The following SYTL4 variants were observed in gnomAD, a reference collection of about 807,000 sequenced individuals.
SYTL4 encodes synaptotagmin-like protein 4.
In SYTL4, 16 loss-of-function variants were observed where a neutral mutation model predicts 52.7. The observed-to-expected ratio is 0.30, with a 90% CI of 0.21 to 0.46. SYTL4 has a LOEUF of 0.46. Among genes scored for constraint, SYTL4 ranks in the 20% least tolerant of loss-of-function variants. The probability of loss-of-function intolerance (pLI) is 1.00; values close to 1 mark genes in which losing one functional copy is unlikely to be tolerated. For synonymous variants in SYTL4, 160 were observed against 186.6 expected (o/e 0.86, Z 1.16); for missense variants, 423 against 519.9 (o/e 0.81, Z 1.81).
chrX:100,726,636 C>T (rs1480497641), intron 2 of SYTL4, among the ~76,000 whole-genome samples: 1 of 110,484 alleles, frequency 9.1e-6, no homozygotes, highest in Non-Finnish European at 1.9e-5. Context: ...AGCTGTATGC[C>T]ATCTGCACAT....
In SYTL4 at chrX:100,678,553, C is replaced by T; in HGVS notation, c.1705G>A (p.Val569Met). The T allele has an allele frequency of 8.3e-7, 1 of 1,211,633 alleles. No homozygotes were observed. Among genetic ancestry groups the T allele is most frequent in the Non-Finnish European group, 1.1e-6 (1 of 895,407 alleles). ...RNKASKRKTP[V>M]MKKTLNPHYN... ...TGAGGATTCAGGGTCTTCTTCATCA[C>T]AGGAGTTTTACGTTTACTGGCCTTG... Residue 569 changes from valine to methionine, a missense_variant, in exon 19 of 20, where the codon GTG becomes ATG. By Grantham distance (21) the Val-to-Met change is conservative (BLOSUM62 1). Coordinates refer to ENST00000372989, the MANE Select transcript of SYTL4 (RefSeq NM_001370165.1).
chrX:100,726,560 A>G (rs1352463101), intron 2 of SYTL4, among the ~76,000 whole-genome samples: 2 of 109,011 alleles, frequency 1.8e-5, no homozygotes, highest in Non-Finnish European at 3.8e-5. Flanking sequence ...CTCTAAGGCT[A>G]GTCTTTTCTC....
At chrX:100,689,834 A>G (rs754281687) in intron 12 of SYTL4, 22 bp downstream of exon 12, 36 of 1,090,531 alleles carry the variant, frequency 3.3e-5, no homozygotes, top group Non-Finnish European at 1.3e-6. Context: ...ATAGTGACCA[A>G]GTAAAATATA....
intron 8 of SYTL4, among the ~76,000 whole-genome samples, chrX:100,696,491 C>T (rs1387223426): frequency 8.9e-6 from 1 of 111,920 alleles, no homozygotes; most frequent in East Asian, 2.8e-4. Flanking sequence ...TATTTAATGA[C>T]TAAAGATGTT....
intron 2 of SYTL4, among the ~76,000 whole-genome samples, chrX:100,724,620 A>T (rs1258918031): frequency 1.0e-5 from 1 of 98,500 alleles, no homozygotes; most frequent in Admixed American, 1.1e-4. Flanking sequence ...TCAGGGTTGA[A>T]TGGATTAAGG....
chrX:100,688,308 AG>A (rs1428562332), intron 13 of SYTL4, 42 bp downstream of exon 13: 2 of 1,111,758 alleles, frequency 1.8e-6, no homozygotes, highest in Non-Finnish European at 2.5e-6. Flanking sequence ...TTTTCTTCCT[AG>A]TACCCCAACA....
chrX:100,708,297 T>TA (rs911651210), intron 2 of SYTL4, among the ~76,000 whole-genome samples: 1 of 111,786 alleles, frequency 8.9e-6, no homozygotes, highest in African/African-American at 3.3e-5. Context: ...GATAATATGT[T>TA]AATGCAAATA....
chrX:100,689,821 C>T (rs1334131636), intron 12 of SYTL4, 35 bp downstream of exon 12: 5 of 1,006,505 alleles, frequency 5.0e-6, no homozygotes, highest in Non-Finnish European at 6.9e-6. Context: ...AGTAAAATTT[C>T]ATATAGTGAC....
rs2083835633 is a variant in SYTL4 at position 100,700,901 on chromosome X, G to C, written c.535C>G (p.Pro179Ala). The part of the protein sequence containing the change: ...RKIIQERQKE[P>A]SVLFEVPKLK... ...AAACAATTACTTGATTCTTACCTGG[G>C]CTCCTTCTGCCGCTCCTGAATGATC... Residue 179 changes from proline to alanine, a missense_variant, in exon 8 of 20, where the codon CCC (proline) becomes GCC (alanine). Physicochemically the swap from Pro to Ala is conservative, Grantham distance 27 (BLOSUM62 -1). Transcript: ENST00000372989. The C allele has an allele frequency of 1.7e-6, 2 of 1,198,993 alleles. No homozygotes were observed. The highest frequency in any genetic ancestry group is 4.4e-5 in the Admixed American group (2 of 45,728).
chrX:100,686,892 C>T, intron 14 of SYTL4, 111 bp from the exon 15 acceptor site: 1 of 822,237 alleles, frequency 1.2e-6, no homozygotes, highest in Admixed American at 2.9e-5. Flanking sequence ...TCAAAAATGT[C>T]ACCTCAAGCC....
intron 2 of SYTL4, among the ~76,000 whole-genome samples, chrX:100,725,367 G>GA (rs1040516477): frequency 4.5e-5 from 5 of 111,658 alleles, no homozygotes; most frequent in African/African-American, 1.6e-4. Flanking sequence ...TCTTAAAGGG[G>GA]AAAAATCACA....
In SYTL4 at chrX:100,704,876, T is replaced by C. The variant is rs2083925474; in HGVS notation, c.-229A>G. On this transcript the variant is annotated 5_prime_UTR_variant, in exon 3 of 20. Transcript: ENST00000372989. ...CACTTTATTTTTTCTTTTTCTTTTT[T>C]TACTAGTTCCCTACAAAACAGTGGA... The C allele has an allele frequency of 8.9e-6, 1 of 112,173 alleles. No homozygotes were observed. Among genetic ancestry groups the C allele is most frequent in the African/African-American group, 3.2e-5 (1 of 30,840 alleles). 9.2% of individuals were successfully genotyped at this position (112,173 alleles called of 1,213,427 possible).
At position 100,675,070 on chromosome X, in the gene SYTL4, A is replaced by G. The variant is rs1316828991; in HGVS notation, c.*958T>C. 1 of 112,405 alleles carries G rather than the reference A, an allele frequency of 8.9e-6. No homozygotes were observed. The highest frequency in any genetic ancestry group is 1.9e-5 in the Non-Finnish European group (1 of 53,329). The allele number at this position is 112,405 out of a possible 1,213,427, so 9.3% of individuals were successfully genotyped here. On this transcript the variant is annotated 3_prime_UTR_variant, in exon 20 of 20. Transcript: ENST00000372989. ...TGGTTGACACAGTGGGATGTAGACC[A>G]TGCTCTGTTTGATAACACACCCCAG...
At position 100,701,616 on chromosome X, in the gene SYTL4, T is replaced by C. The variant is rs2147765222; in HGVS notation, c.168A>G (p.Gln56=). ...GGGCACAGGTCCGATCACTGTAGTG[T>C]TGGCTGCCCCTCTTGGCCCCTTTCC... ...IKRKGAKRGS[Q]HYSDRTCARC... The change falls in exon 6 of 20, where the codon CAA becomes CAG. Residue 56 remains glutamine (Q), a synonymous_variant. Transcript: ENST00000372989. 2 of 1,211,944 alleles carry C rather than the reference T, an allele frequency of 1.7e-6. No individual in the cohort carries two copies. Among genetic ancestry groups the C allele is most frequent in the East Asian group, 3.0e-5 (1 of 33,844 alleles).
intron 2 of SYTL4, among the ~76,000 whole-genome samples, chrX:100,730,644 C>T (rs1468560346): frequency 9.0e-6 from 1 of 111,726 alleles, no homozygotes; most frequent in Admixed American, 9.5e-5. Flanking sequence ...GCTACATATA[C>T]TCACAGATCA....
At chrX:100,724,965 T>C (rs1272962742) in intron 2 of SYTL4, among the ~76,000 whole-genome samples, 1 of 110,641 alleles carries the variant, frequency 9.0e-6, no homozygotes, top group Non-Finnish European at 1.9e-5. Context: ...GCAAATCATA[T>C]ATATTATGAT....
intron 2 of SYTL4, among the ~76,000 whole-genome samples, chrX:100,719,776 T>A (rs2084303311): frequency 8.9e-6 from 1 of 111,763 alleles, no homozygotes; most frequent in Non-Finnish European, 1.9e-5. Context: ...GACAATTTCC[T>A]CCAGATGGAA....
At chrX:100,677,568 C>G (rs1297417393) in intron 19 of SYTL4, among the ~76,000 whole-genome samples, 1 of 112,030 alleles carries the variant, frequency 8.9e-6, no homozygotes, top group African/African-American at 3.2e-5. Context: ...GGATCCGAGA[C>G]TAAGCTCTGC....
chrX:100,698,280 T>C (rs1168533718), intron 8 of SYTL4, among the ~76,000 whole-genome samples: 2 of 110,417 alleles, frequency 1.8e-5, no homozygotes, highest in Non-Finnish European at 3.8e-5. Flanking sequence ...TTTTTTTGTA[T>C]TTTTATTAGA....
Sources: gnomAD v4.1 joint callset for allele counts (sites outside exome capture counted in the v4.1 genomes callset) on GRCh38, gnomAD v4.1.1 for gene constraint, MANE v1.5 for transcripts, NCBI Gene and HGNC (gene_info 2026-07-23, HGNC 2026-07-21) for gene names.